DNAH11: variants seen among roughly 807,000 people sequenced by gnomAD.
DNAH11 encodes the protein dynein axonemal heavy chain 11, also known as axonemal beta dynein heavy chain 11.
Under a neutral mutation model 526.0 loss-of-function variants are expected in DNAH11, and 442 were observed. That is an observed-to-expected ratio of 0.84 (90% CI 0.78 to 0.91). The LOEUF (loss-of-function observed/expected upper bound fraction) is 0.91. DNAH11 is among the 40% of genes least tolerant of loss of function. The probability of loss-of-function intolerance (pLI) is 0.00; values close to 1 mark genes in which losing one functional copy is unlikely to be tolerated. For synonymous variants in DNAH11, 2,461 were observed against 1,935.9 expected (o/e 1.27, Z -7.12); for missense variants, 6,989 against 5,448.7 (o/e 1.28, Z -8.90).
At chr7:21,889,573 T>A (rs1744711382) in intron 76 of DNAH11, among the ~76,000 whole-genome samples, 1 of 151,984 alleles carries the variant, frequency 6.6e-6, no homozygotes, top group South Asian at 2.1e-4. Context: ...TGTCCACATT[T>A]TTTTATTTTA....
chr7:21,586,762 G>C (rs953546990), intron 9 of DNAH11, among the ~76,000 whole-genome samples: 3 of 152,148 alleles, frequency 2.0e-5, no homozygotes, highest in African/African-American at 7.2e-5. Flanking sequence ...TAGTTATTTT[G>C]AGATGTCTTC....
intron 36 of DNAH11, among the ~76,000 whole-genome samples, chr7:21,700,466 C>T (rs182514998): frequency 6.6e-6 from 1 of 152,282 alleles, no homozygotes; most frequent in Non-Finnish European, 1.5e-5. Flanking sequence ...GCAGAGGCAC[C>T]AAGTCCTCTG....
chr7:21,700,995 A>C (rs900483731), intron 36 of DNAH11, among the ~76,000 whole-genome samples: 2 of 152,162 alleles, frequency 1.3e-5, no homozygotes, highest in African/African-American at 2.4e-5. Context: ...CATTAGAAGA[A>C]ATACCTAATG....
rs761995411 is a variant in DNAH11 at position 21,786,695 on chromosome 7, G to C, written c.9669G>C (p.Met3223Ile). The change falls in exon 59 of 82, where the codon ATG (methionine) becomes ATC (isoleucine). Residue 3223 changes from methionine to isoleucine, a missense_variant. Coordinates refer to ENST00000409508, the MANE Select transcript of DNAH11 (RefSeq NM_001277115.2). ...TTACCAATGTTACTGCAGCCGTGATGGTCCTTCTGGCTCCTCGGGGAAGAG... is the reference window on the plus strand; with the variant it reads ...TTACCAATGTTACTGCAGCCGTGATCGTCCTTCTGGCTCCTCGGGGAAGAG... ...IAVTNVTAAV[M>I]VLLAPRGRVP... 2 of 1,613,820 alleles carry C rather than the reference G, an allele frequency of 1.2e-6. No homozygotes were observed. Among genetic ancestry groups the C allele is most frequent in the Non-Finnish European group, 1.7e-6 (2 of 1,179,792 alleles).
chr7:21,601,584 A>T lies in DNAH11; in HGVS notation c.3614A>T (p.Gln1205Leu). 1.9e-6 allele frequency: 3 copies of T among 1,600,206 alleles called. No individual in the cohort carries two copies. Among genetic ancestry groups the T allele is most frequent in the Non-Finnish European group, 2.6e-6 (3 of 1,169,552 alleles). ...ATCACCCTCTTGGAAAGCTATGGCC[A>T]GAAGATGCCTGAGCAGGTCTATATT... ...ETITLLESYGQKMPEQVYIQL... is the reference protein window; with the variant it reads ...ETITLLESYGLKMPEQVYIQL... The change falls in exon 18 of 82, where the codon CAG (glutamine) becomes CTG (leucine). Residue 1205 changes from glutamine to leucine, a missense_variant. Coordinates refer to ENST00000409508, the MANE Select transcript of DNAH11 (RefSeq NM_001277115.2).
rs1786844419 is a variant in DNAH11 at position 21,635,963 on chromosome 7, G to C, written c.4593G>C (p.Leu1531Phe). ...AAAATAAATTAAACATAGCAGACTT[G>C]GTCATCTTCACTTGGATGGAAGTCC... ...SWQNKLNIAD[L>F]VIFTWMEVQR... The change falls in exon 26 of 82, where the codon TTG (leucine) becomes TTC (phenylalanine). Residue 1531 changes from leucine to phenylalanine, a missense_variant. Physicochemically the swap from Leu to Phe is conservative, Grantham distance 22. Transcript: ENST00000409508. The C allele has an allele frequency of 6.2e-7, 1 of 1,613,326 alleles. No individual in the cohort carries two copies. The highest frequency in any genetic ancestry group is 8.5e-7 in the Non-Finnish European group (1 of 1,179,682).
At chr7:21,694,394 C>A (rs1389023868) in intron 35 of DNAH11, among the ~76,000 whole-genome samples, 1 of 152,102 alleles carries the variant, frequency 6.6e-6, no homozygotes, top group East Asian at 1.9e-4. Flanking sequence ...GTTCCCCTCC[C>A]TGCGTCCATG....
intron 48 of DNAH11, among the ~76,000 whole-genome samples, chr7:21,740,452 C>T (rs889471739): frequency 6.6e-6 from 1 of 152,156 alleles, no homozygotes; most frequent in Non-Finnish European, 1.5e-5. Flanking sequence ...ATTTTAAGTA[C>T]CTCATATACG....
intron 61 of DNAH11, among the ~76,000 whole-genome samples, chr7:21,797,045 A>G (rs1376182635): frequency 4.6e-5 from 7 of 152,126 alleles, no homozygotes; most frequent in African/African-American, 1.4e-4. Context: ...GAAGGAGAGA[A>G]TGGGTGGTGA....
At chr7:21,807,472 A>G (rs1789315549) in intron 62 of DNAH11, among the ~76,000 whole-genome samples, 1 of 152,224 alleles carries the variant, frequency 6.6e-6, no homozygotes, top group Non-Finnish European at 1.5e-5. Context: ...GCATTCCAGC[A>G]CGGGTGATAG....
chr7:21,806,026 C>A (rs1789249980), intron 62 of DNAH11, among the ~76,000 whole-genome samples: 1 of 152,102 alleles, frequency 6.6e-6, no homozygotes, highest in African/African-American at 2.4e-5. Context: ...AAATGGGTCA[C>A]CCCAGCCAGG....
intron 81 of DNAH11, 28 bp from the exon 82 acceptor site, chr7:21,900,979 A>C (rs1463152654): frequency 2.6e-6 from 4 of 1,543,340 alleles, no homozygotes; most frequent in Non-Finnish European, 2.6e-6. Context: ...GCTGCCACAC[A>C]ATTGCAACCG....
At chr7:21,714,915 T>C (rs945891645) in intron 42 of DNAH11, among the ~76,000 whole-genome samples, 1 of 152,218 alleles carries the variant, frequency 6.6e-6, no homozygotes, top group African/African-American at 2.4e-5. Context: ...GCCACAACTT[T>C]AGATCATACT....
intron 4 of DNAH11, 106 bp downstream of exon 4, chr7:21,559,898 G>C: frequency 3.1e-6 from 3 of 956,510 alleles, no homozygotes; most frequent in South Asian, 3.7e-5. Flanking sequence ...ATAATTTACT[G>C]GTCTGCCCTC....
At chr7:21,787,316 C>T in intron 59 of DNAH11, 85 bp from the exon 60 acceptor site, 1 of 1,392,964 alleles carries the variant, frequency 7.2e-7, no homozygotes, top group Non-Finnish European at 9.7e-7. Flanking sequence ...TAATGTGAGT[C>T]CTAAAAGCTG....
At chr7:21,801,065 A>G (rs1478101547) in intron 61 of DNAH11, 72 bp from the exon 62 acceptor site, 4 of 1,485,244 alleles carry the variant, frequency 2.7e-6, no homozygotes, top group African/African-American at 1.4e-5. Flanking sequence ...ACAGTAACAG[A>G]TGTTTTAAGA....
intron 55 of DNAH11, among the ~76,000 whole-genome samples, chr7:21,768,975 C>T (rs1787302013): frequency 6.6e-6 from 1 of 151,696 alleles, no homozygotes. Flanking sequence ...CACATGTACC[C>T]TAAAACTTAA....
At position 21,862,025 on chromosome 7, in the gene DNAH11, T is replaced by C; in HGVS notation, c.11373+2T>C. On this transcript the variant is annotated splice_donor_variant, in intron 69 of 81. Transcript: ENST00000409508. LOFTEE classifies it high-confidence loss of function. Reference sequence around the variant, plus strand: ...TTCCTGTCCCAGATGGCTTTTCAGGTAAGGAGATCAGTTACTTGAAAAAGG... The same window carrying C: ...TTCCTGTCCCAGATGGCTTTTCAGGCAAGGAGATCAGTTACTTGAAAAAGG... The C allele has an allele frequency of 6.2e-7, 1 of 1,608,498 alleles. No homozygotes were observed. Among genetic ancestry groups the C allele is most frequent in the South Asian group, 1.1e-5 (1 of 89,840 alleles).
At chr7:21,780,232 C>T (rs1787878915) in intron 57 of DNAH11, among the ~76,000 whole-genome samples, 1 of 152,082 alleles carries the variant, frequency 6.6e-6, no homozygotes, top group Non-Finnish European at 1.5e-5. Flanking sequence ...TGTTGAGTTT[C>T]AGATAAGTGG....
Sources: allele counts gnomAD v4.1 joint callset (sites outside exome capture counted in the v4.1 genomes callset), GRCh38; gene constraint gnomAD v4.1.1; transcripts MANE v1.5; gene names NCBI Gene and HGNC (gene_info 2026-07-23, HGNC 2026-07-21).